The following DAB2IP variants were observed in gnomAD, a reference collection of about 807,000 sequenced individuals.
DAB2IP encodes disabled homolog 2-interacting protein.
A neutral mutation model predicts 107.2 loss-of-function variants in DAB2IP; 28 were observed. That is an observed-to-expected ratio of 0.26 (90% CI 0.19 to 0.36). DAB2IP has a LOEUF of 0.36. Among genes scored for constraint, DAB2IP ranks in the 10% least tolerant of loss-of-function variants. The pLI, the probability that DAB2IP is intolerant of heterozygous loss-of-function variation, is 1.00. For missense variants in DAB2IP, 1,400 were observed against 1,644.7 expected (o/e 0.85, Z 2.57); for synonymous variants, 755 against 706.4 (o/e 1.07, Z -1.09).
rs1564129035 is a variant in DAB2IP, at chr9:121,642,055, CTT to C, written c.41-36621_41-36620del. Among the ~76,000 whole-genome samples, 203 of 60,214 alleles carry C rather than the reference CTT, an allele frequency of 3.4e-3. 6 individuals carry two copies. The highest frequency in any genetic ancestry group is 0.014 in the African/African-American group (177 of 12,824). 39.5% of individuals were successfully genotyped at this position (60,214 alleles called of 152,430 possible). A position where few individuals can be genotyped will look rare whatever the true frequency, so the allele number is the denominator to read the frequency against. On this transcript the variant is annotated intron_variant, in intron 1 of 16. Coordinates refer to the DAB2IP transcript ENST00000259371. ...TCTTTCTTTCTTTCTTTCTTTCTTT[CTT>C]TCTTTCTTTCTTTCTTTCTTTCTTT...
upstream of DAB2IP, among the ~76,000 whole-genome samples, chr9:121,646,840 C>A (rs957960291): frequency 7.2e-5 from 11 of 152,198 alleles, no homozygotes; most frequent in African/African-American, 2.7e-4. Context: ...GATCGTTGCT[C>A]CTTTCAGCCC....
intron 1 of DAB2IP, among the ~76,000 whole-genome samples, chr9:121,569,523 G>C (rs1465160106): frequency 6.6e-6 from 1 of 152,240 alleles, no homozygotes; most frequent in Non-Finnish European, 1.5e-5. Context: ...TTCAGAAACA[G>C]AAATTAAAAC....
At chr9:121,606,940 A>T (rs1830902583) in intron 1 of DAB2IP, among the ~76,000 whole-genome samples, 1 of 151,614 alleles carries the variant, frequency 6.6e-6, no homozygotes, top group South Asian at 2.1e-4. Context: ...ATGCCTGGCT[A>T]ATTTTCATAT....
rs3138857 is a variant in DAB2IP at position 121,679,413 on chromosome 9, TACACACACACACAC to T, written c.228+659_228+672del. On this transcript the variant is annotated intron_variant, in intron 2 of 15. Transcript: ENST00000408936. ...TCATACCCTTCTGCATTTGTGCATG[TACACACACACACAC>T]ACACACACACACACACACACACACA... Among the ~76,000 whole-genome samples, 14 of 135,634 alleles carry T rather than the reference TACACACACACACAC, an allele frequency of 1.0e-4. No individual in the cohort carries two copies. The East Asian group carries it at 1.1e-3, about 11-fold the overall frequency. The allele number at this position is 135,634 out of a possible 152,430, so 89.0% of individuals were successfully genotyped here. A position where few individuals can be genotyped will look rare whatever the true frequency, so the allele number is the denominator to read the frequency against.
intron 1 of DAB2IP, among the ~76,000 whole-genome samples, chr9:121,652,701 T>C (rs957718713): frequency 6.6e-6 from 1 of 151,796 alleles, no homozygotes; most frequent in Non-Finnish European, 1.5e-5. Context: ...CTGGGCCGAG[T>C]TGACACCATC....
At position 121,736,361 on chromosome 9, in the gene DAB2IP, G is replaced by A. The variant is rs1183858040; in HGVS notation, c.363-20652G>A. 1.3e-5 allele frequency among the ~76,000 whole-genome samples: 2 copies of A among 152,164 alleles called. No homozygotes were observed. The highest frequency in any genetic ancestry group is 4.8e-5 in the African/African-American group (2 of 41,418). ...TGGGGACCCAGACTCGCACGAAGGT[G>A]GGGAAGGAGTTGCAAGGCAGAGACC... On this transcript the variant is annotated intron_variant, in intron 3 of 15. Coordinates refer to ENST00000408936, the Ensembl canonical transcript of DAB2IP. The surrounding 1 kb of genome is among the most constrained non-coding windows in gnomAD (Gnocchi z 4.6).
chr9:121,664,110 A>G (rs944817711), intron 1 of DAB2IP, among the ~76,000 whole-genome samples: 5 of 152,266 alleles, frequency 3.3e-5, no homozygotes, highest in African/African-American at 7.2e-5. Flanking sequence ...AGAGACAACT[A>G]GTTGTTTTTT....
At position 121,699,006 on chromosome 9, in the gene DAB2IP, G is replaced by A. The variant is rs967509499; in HGVS notation, c.229-319G>A. Among the ~76,000 whole-genome samples, 2 of 151,228 alleles carry A rather than the reference G, an allele frequency of 1.3e-5. No homozygotes were observed. The highest frequency in any genetic ancestry group is 4.8e-5 in the African/African-American group (2 of 41,292). ...CCCCCTCGTCCCGGTACTCCCCCTCGCCCCGGCGCCCGGGGGGCTCGGGCA... is the reference window on the plus strand; with the variant it reads ...CCCCCTCGTCCCGGTACTCCCCCTCACCCCGGCGCCCGGGGGGCTCGGGCA... On this transcript the variant is annotated intron_variant, in intron 2 of 15. Coordinates refer to ENST00000408936, the Ensembl canonical transcript of DAB2IP. This position sits in a 1 kb window ranked among gnomAD's most constrained non-coding sequence, Gnocchi z 6.2.
At chr9:121,734,777 G>A (rs963699736) in intron 3 of DAB2IP, among the ~76,000 whole-genome samples, 1 of 152,190 alleles carries the variant, frequency 6.6e-6, no homozygotes, top group Non-Finnish European at 1.5e-5. Flanking sequence ...AGTTGTCTAG[G>A]GGTGAGGCAC....
exon 1 of DAB2IP, chr9:121,567,151 T>C: frequency 6.2e-7 from 1 of 1,613,812 alleles, no homozygotes; most frequent in Non-Finnish European, 8.5e-7. Context: ...CCTCGGTTCA[T>C]AAATCAGGTG....
At chr9:121,628,676 G>A (rs371845851) in intron 1 of DAB2IP, among the ~76,000 whole-genome samples, 5 of 152,182 alleles carry the variant, frequency 3.3e-5, no homozygotes, top group South Asian at 2.1e-4. Context: ...GCATCCCCTC[G>A]GCAGGGGCAG....
At chr9:121,731,456 C>T (rs911588092) in intron 3 of DAB2IP, among the ~76,000 whole-genome samples, 4 of 152,222 alleles carry the variant, frequency 2.6e-5, no homozygotes, top group Non-Finnish European at 5.9e-5. Context: ...CCCCTCTGCC[C>T]TCCTTGAAGT....
chr9:121,703,874 T>C (rs1237467925), intron 3 of DAB2IP, among the ~76,000 whole-genome samples: 1 of 152,178 alleles, frequency 6.6e-6, no homozygotes, highest in South Asian at 2.1e-4. Flanking sequence ...TTGCTGTGCC[T>C]GGTAAGGTGA....
chr9:121,772,728 G>C lies in DAB2IP; in HGVS notation c.2200G>C (p.Glu734Gln), dbSNP rs778281178. The change falls in exon 12 of 16, where the codon GAG becomes CAG. Residue 734 changes from glutamate (E) to glutamine (Q), a missense_variant. Coordinates refer to ENST00000408936, the Ensembl canonical transcript of DAB2IP. The surrounding 1 kb of genome is among the most constrained non-coding windows in gnomAD (Gnocchi z 4.7). ...CAGCTCGAGTTACTCGGAAGCCAACGAGCCTGATCTTCAGATGGCCAACGG... is the reference window on the plus strand; with the variant it reads ...CAGCTCGAGTTACTCGGAAGCCAACCAGCCTGATCTTCAGATGGCCAACGG... The C allele has an allele frequency of 6.2e-7, 1 of 1,614,026 alleles. No homozygotes were observed. The highest frequency in any genetic ancestry group is 8.5e-7 in the Non-Finnish European group (1 of 1,180,012).
At chr9:121,783,311 A>G (rs1350913153) in exon 16 of DAB2IP, 2 of 1,409,842 alleles carry the variant, frequency 1.4e-6, no homozygotes, top group African/African-American at 2.9e-5. Flanking sequence ...TAGGGCTCCC[A>G]GAAGCCAGAG....
In DAB2IP at chr9:121,701,440, G is replaced by A. The variant is rs1028331591; in HGVS notation, c.362+1982G>A. Among the ~76,000 whole-genome samples the A allele has an allele frequency of 6.6e-6, 1 of 152,212 alleles. No individual in the cohort carries two copies. Among genetic ancestry groups the A allele is most frequent in the Non-Finnish European group, 1.5e-5 (1 of 68,042 alleles). On this transcript the variant is annotated intron_variant, in intron 3 of 15. Coordinates refer to ENST00000408936, the Ensembl canonical transcript of DAB2IP. The surrounding 1 kb of genome is among the most constrained non-coding windows in gnomAD (Gnocchi z 4.7). Reference sequence around the variant, plus strand: ...TCTGGAAACAGTAGGAAACGGTAGCGGTTGGAGCAGAATGTCACTGGCAGC... The same window carrying A: ...TCTGGAAACAGTAGGAAACGGTAGCAGTTGGAGCAGAATGTCACTGGCAGC...
chr9:121,756,171 C>T (rs1414356947), intron 3 of DAB2IP, among the ~76,000 whole-genome samples: 1 of 152,208 alleles, frequency 6.6e-6, no homozygotes, highest in African/African-American at 2.4e-5. Flanking sequence ...TTTGGAGAGA[C>T]TTTACCTAAC....
chr9:121,756,307 G>T (rs1485241830), intron 3 of DAB2IP, among the ~76,000 whole-genome samples: 1 of 152,234 alleles, frequency 6.6e-6, no homozygotes, highest in African/African-American at 2.4e-5. Flanking sequence ...CTGCGTTTGG[G>T]TGCCGGGTGG....
chr9:121,760,348 G>C lies in DAB2IP; in HGVS notation c.1079G>C (p.Cys360Ser). ...ATCACCAACCACTACCTGGGGCTGT[G>C]TGCAGCCCTCGAGCCCATCCTCAGT... Residue 360 changes from cysteine (C) to serine (S), a missense_variant, in exon 6 of 16, where the codon TGT becomes TCT. By Grantham distance (112) the Cys-to-Ser change is moderately radical (BLOSUM62 -1). This residue lies in a region of DAB2IP where 517 missense variants were observed against 748.6 expected (regional missense o/e 0.69). Coordinates refer to ENST00000408936, the Ensembl canonical transcript of DAB2IP. The surrounding 1 kb of genome is among the most constrained non-coding windows in gnomAD (Gnocchi z 5.9). 1 of 1,612,982 alleles carries C rather than the reference G, an allele frequency of 6.2e-7. No individual in the cohort carries two copies. Among genetic ancestry groups the C allele is most frequent in the Non-Finnish European group, 8.5e-7 (1 of 1,180,016 alleles).
Sources: allele counts gnomAD v4.1 joint callset (sites outside exome capture counted in the v4.1 genomes callset), GRCh38; gene constraint gnomAD v4.1.1; regional missense constraint gnomAD v4.1.1; non-coding constraint Gnocchi (gnomAD v3.1); transcripts MANE v1.5; gene names NCBI Gene and HGNC (gene_info 2026-07-23, HGNC 2026-07-21).